Variants in TNIK observed in about 807,000 individuals in gnomAD.
TNIK encodes the protein TRAF2 and NCK interacting kinase, also known as TRAF2 and NCK-interacting protein kinase.
A neutral mutation model predicts 191.3 loss-of-function variants in TNIK; 49 were observed. The observed-to-expected ratio is 0.26, with a 90% CI of 0.20 to 0.32. The LOEUF (loss-of-function observed/expected upper bound fraction) is 0.32. Among genes scored for constraint, TNIK ranks in the 10% least tolerant of loss-of-function variants. The pLI is 1.00. For synonymous variants in TNIK, 594 were observed against 600.9 expected (o/e 0.99, Z 0.17); for missense variants, 1,155 against 1,702.3 (o/e 0.68, Z 5.66).
chr3:171,099,165 T>G (rs1723111922), intron 22 of TNIK, among the ~76,000 whole-genome samples: 1 of 152,122 alleles, frequency 6.6e-6, no homozygotes, highest in Non-Finnish European at 1.5e-5. Context: ...TCAAATCGTC[T>G]TGCTGAAATA....
At chr3:171,209,407 CATTAT>C (rs1288081973) in intron 4 of TNIK, among the ~76,000 whole-genome samples, 1 of 151,980 alleles carries the variant, frequency 6.6e-6, no homozygotes, top group Non-Finnish European at 1.5e-5. Flanking sequence ...ATTCTTTGCT[CATTAT>C]ATTATAAAAT....
chr3:171,091,587 C>CA lies in TNIK; in HGVS notation c.2721+2251dup, dbSNP rs569405330. Reference sequence around the variant, plus strand: ...GTGAAACCCCATCTCTACTAAAATACAAAAATTTAGCTGGGCGTGCACCCG... The same window carrying CA: ...GTGAAACCCCATCTCTACTAAAATACAAAAAATTTAGCTGGGCGTGCACCCG... On this transcript the variant is annotated intron_variant, in intron 23 of 32. Coordinates refer to ENST00000436636, the MANE Select transcript of TNIK (RefSeq NM_015028.4). Among the ~76,000 whole-genome samples the CA allele has an allele frequency of 2.6e-4, 40 of 152,054 alleles. 1 individual carries two copies. The South Asian group carries it at 4.0e-3, about 15-fold the overall frequency.
intron 1 of TNIK, among the ~76,000 whole-genome samples, chr3:171,410,576 G>C (rs553557741): frequency 6.6e-6 from 1 of 151,956 alleles, no homozygotes. Flanking sequence ...TCAGGAGATC[G>C]AGACCATCCT....
At position 171,354,393 on chromosome 3, in the gene TNIK, G is replaced by A. The variant is rs562718437; in HGVS notation, c.123+15227C>T. On this transcript the variant is annotated intron_variant, in intron 2 of 32. Coordinates refer to ENST00000436636, the MANE Select transcript of TNIK (RefSeq NM_015028.4). ...TGAGCTGGTCCACTACCTGAGCCGT[G>A]TTCCTCAAGGAAATTTCAAAAGAAA... Among the ~76,000 whole-genome samples the A allele has an allele frequency of 3.9e-5, 6 of 152,232 alleles. No homozygotes were observed. In the South Asian group the frequency reaches 1.0e-3, roughly 26 times the overall value.
At chr3:171,211,298 T>C in intron 3 of TNIK, 57 bp from the exon 4 acceptor site, 2 of 1,546,892 alleles carry the variant, frequency 1.3e-6, no homozygotes, top group South Asian at 2.5e-5. Flanking sequence ...TTAGTAGGAT[T>C]CTGTTCTTCA....
intron 18 of TNIK, among the ~76,000 whole-genome samples, chr3:171,112,992 G>T (rs1462300342): frequency 6.6e-6 from 1 of 152,158 alleles, no homozygotes; most frequent in Non-Finnish European, 1.5e-5. Flanking sequence ...GCATGTGTGT[G>T]TGCATATGTA....
intron 28 of TNIK, among the ~76,000 whole-genome samples, chr3:171,076,301 G>C (rs1576911213): frequency 6.6e-6 from 1 of 152,158 alleles, no homozygotes; most frequent in Non-Finnish European, 1.5e-5. Flanking sequence ...CTTCAAAATA[G>C]AGTCCCCTTT....
At position 171,190,810 on chromosome 3, in the gene TNIK, A is replaced by G. The variant is rs760185124; in HGVS notation, c.418-23T>C. 1.9e-6 allele frequency: 3 copies of G among 1,542,402 alleles called. No individual in the cohort carries two copies. The East Asian group carries it at 6.9e-5, about 36-fold the overall frequency. ...CCCCTGGAGTGATGGAGAGTTAAGA[A>G]GGGTTAATAGGAACATAAGCCAAGA... On this transcript the variant is annotated intron_variant, in intron 5 of 32. Coordinates refer to ENST00000436636, the MANE Select transcript of TNIK (RefSeq NM_015028.4).
intron 2 of TNIK, among the ~76,000 whole-genome samples, chr3:171,253,607 C>T (rs547650683): frequency 6.9e-6 from 1 of 144,146 alleles, no homozygotes; most frequent in South Asian, 2.4e-4. Flanking sequence ...CCACCCCACC[C>T]CCAGTTATCT....
intron 2 of TNIK, among the ~76,000 whole-genome samples, chr3:171,281,766 C>T (rs973171983): frequency 3.3e-5 from 5 of 152,156 alleles, no homozygotes; most frequent in African/African-American, 9.7e-5. Context: ...GTTTGCTACC[C>T]TTGTAGAGTA....
At chr3:171,214,851 AT>A (rs1741270562) in intron 3 of TNIK, among the ~76,000 whole-genome samples, 2 of 152,224 alleles carry the variant, frequency 1.3e-5, no homozygotes, top group South Asian at 4.1e-4. Flanking sequence ...CTTAGAAATG[AT>A]TAAGTGCTTA....
chr3:171,229,332 G>A (rs28435400), intron 2 of TNIK, among the ~76,000 whole-genome samples: 1 of 152,290 alleles, frequency 6.6e-6, no homozygotes, highest in East Asian at 1.9e-4. Flanking sequence ...ATGTCTCATC[G>A]ATGTATTTCC....
At chr3:171,064,047 A>G (rs1402262625) in intron 32 of TNIK, 83 bp from the exon 33 acceptor site, 2 of 1,320,914 alleles carry the variant, frequency 1.5e-6, no homozygotes, top group Non-Finnish European at 2.1e-6. Context: ...TTTCTCTCAC[A>G]TGTCCTATCC....
intron 18 of TNIK, among the ~76,000 whole-genome samples, chr3:171,120,603 G>A (rs1192959372): frequency 1.3e-5 from 2 of 152,118 alleles, no homozygotes; most frequent in Non-Finnish European, 2.9e-5. Context: ...ACAGGTGTGA[G>A]CCACCGCGCC....
At chr3:171,069,416 G>A (rs918267948) in intron 29 of TNIK, among the ~76,000 whole-genome samples, 8 of 152,174 alleles carry the variant, frequency 5.3e-5, no homozygotes, top group African/African-American at 1.7e-4. Flanking sequence ...GACAGCCTGG[G>A]AGGGACAGCC....
At chr3:171,094,327 G>A (rs148395302) in intron 22 of TNIK, among the ~76,000 whole-genome samples, 3,016 of 152,034 alleles carry the variant, frequency 0.02, 107 homozygotes, top group African/African-American at 0.07. Context: ...TAGTAGAGAC[G>A]GGGTTTCAAC....
chr3:171,113,391 G>A (rs374141350), intron 18 of TNIK, among the ~76,000 whole-genome samples: 1 of 152,112 alleles, frequency 6.6e-6, no homozygotes, highest in Non-Finnish European at 1.5e-5. Flanking sequence ...AGATCACGAG[G>A]TCAGGAGATC....
intron 28 of TNIK, among the ~76,000 whole-genome samples, chr3:171,075,690 A>G (rs944413752): frequency 2.0e-5 from 3 of 151,546 alleles, no homozygotes; most frequent in African/African-American, 7.3e-5. Flanking sequence ...GGCTCTGGCC[A>G]CATACGTTTA....
intron 1 of TNIK, among the ~76,000 whole-genome samples, chr3:171,418,950 T>A (rs978625616): frequency 1.3e-5 from 2 of 152,112 alleles, no homozygotes; most frequent in Admixed American, 1.3e-4. Flanking sequence ...CAGTTTCTGG[T>A]GAGGGTTCTC....
Sources: allele counts gnomAD v4.1 joint callset (sites outside exome capture counted in the v4.1 genomes callset), GRCh38; gene constraint gnomAD v4.1.1; transcripts MANE v1.5; gene names NCBI Gene and HGNC (gene_info 2026-07-23, HGNC 2026-07-21).